Variants in PCDHGA5 observed in about 807,000 individuals in gnomAD.
PCDHGA5 encodes protocadherin gamma-A5.
Under a neutral mutation model 56.7 loss-of-function variants are expected in PCDHGA5, and 36 were observed. The observed-to-expected ratio is 0.64, with a 90% CI of 0.49 to 0.84. PCDHGA5 has a LOEUF of 0.84. Ranked by LOEUF, PCDHGA5 falls within the 40% of genes least tolerant of loss-of-function variation. The probability of loss-of-function intolerance (pLI) is 0.00; values close to 1 mark genes in which losing one functional copy is unlikely to be tolerated. For synonymous variants in PCDHGA5, 563 were observed against 520.2 expected, an observed-to-expected ratio of 1.08 and a Z score of -1.12; for missense variants, 1,305 against 1,201.5, an observed-to-expected ratio of 1.09 and a Z score of -1.27.
In PCDHGA5 at chr5:141,432,518, C is replaced by T. The variant is rs1314948517; in HGVS notation, c.2422-62289C>T. 6.2e-7 allele frequency: 1 copy of T among 1,614,126 alleles called. No homozygotes were observed. The highest frequency in any genetic ancestry group is 8.5e-7 in the Non-Finnish European group (1 of 1,180,024). On this transcript the variant is annotated intron_variant, in intron 1 of 3. Coordinates refer to ENST00000518069, the MANE Select transcript of PCDHGA5 (RefSeq NM_018918.3). This position sits in a 1 kb window ranked among gnomAD's most constrained non-coding sequence, Gnocchi z 6.0. The stretch of plus-strand genomic sequence containing the variant: ...TCCCCGCTCCGCAGAGCCCGGCTAC[C>T]TGGTGACCAAGGTGGTGGCGGTGGA...
In PCDHGA5 at chr5:141,410,139, T is replaced by C. The variant is rs73279096; in HGVS notation, c.2421+43388T>C. ...GCCCGCCAGCGCCTGCTGGTCGCTG[T>C]GCGTGACGGTGGACAGCCGCCACTC... On this transcript the variant is annotated intron_variant, in intron 1 of 3. Coordinates refer to ENST00000518069, the MANE Select transcript of PCDHGA5 (RefSeq NM_018918.3). The C allele has an allele frequency of 1.6e-4, 252 of 1,612,722 alleles. No individual in the cohort carries two copies. In the African/African-American group the frequency reaches 3.0e-3, roughly 19 times the overall value.
rs753845173 is a variant in PCDHGA5, at chr5:141,490,873, C to T, written c.2422-3934C>T. On this transcript the variant is annotated intron_variant, in intron 1 of 3. Coordinates refer to ENST00000518069, the MANE Select transcript of PCDHGA5 (RefSeq NM_018918.3). The surrounding 1 kb of genome is among the most constrained non-coding windows in gnomAD (Gnocchi z 5.4). Reference sequence around the variant, plus strand: ...TCGAGACTCCGGCTCTCCCCCATTGCATGCCAACACATCTCTGCATGTGTT... The same window carrying T: ...TCGAGACTCCGGCTCTCCCCCATTGTATGCCAACACATCTCTGCATGTGTT... 5.6e-6 allele frequency: 9 copies of T among 1,613,884 alleles called. No homozygotes were observed. The highest frequency in any genetic ancestry group is 7.6e-6 in the Non-Finnish European group (9 of 1,179,908).
At chr5:141,415,401 G>T in intron 1 of PCDHGA5, 2 of 1,614,206 alleles carry the variant, frequency 1.2e-6, no homozygotes, top group Non-Finnish European at 1.7e-6. Context: ...TGTCCGGCTC[G>T]CACTTTGTGG....
chr5:141,496,923 C>T (rs963522127), intron 2 of PCDHGA5, among the ~76,000 whole-genome samples: 9 of 150,728 alleles, frequency 6.0e-5, no homozygotes, highest in East Asian at 1.9e-4. Context: ...CTGTGGTTCA[C>T]GCCTGTAATC....
chr5:141,489,427 C>T lies in PCDHGA5; in HGVS notation c.2422-5380C>T, dbSNP rs370540900. 83 of 1,613,990 alleles carry T rather than the reference C, an allele frequency of 5.1e-5. No individual in the cohort carries two copies. The highest frequency in any genetic ancestry group is 8.3e-5 in the Admixed American group (5 of 59,996). On this transcript the variant is annotated intron_variant, in intron 1 of 3. Transcript: ENST00000518069. The surrounding 1 kb of genome is among the most constrained non-coding windows in gnomAD (Gnocchi z 4.5). ...AAAGATGACAGATCTGTTGAGCCGGCGGCTGCAATTGGGCTCTGAGGAGAA... is the reference window on the plus strand; with the variant it reads ...AAAGATGACAGATCTGTTGAGCCGGTGGCTGCAATTGGGCTCTGAGGAGAA...
chr5:141,377,157 T>C (rs1773738723), intron 1 of PCDHGA5: 1 of 152,278 alleles, frequency 6.6e-6, no homozygotes, highest in South Asian at 2.1e-4. Context: ...GTCCTAGTTT[T>C]TCTTTACCTT....
chr5:141,366,091 G>A lies in PCDHGA5; in HGVS notation c.1761G>A (p.Leu587=), dbSNP rs756134424. 3 of 1,614,130 alleles carry A rather than the reference G, an allele frequency of 1.9e-6. No homozygotes were observed. Among genetic ancestry groups the A allele is most frequent in the Non-Finnish European group, 2.5e-6 (3 of 1,180,050 alleles). ...LAPRSAEPGY[L]VTKVVAVDKD... ...CTCGCTCCGCAGAACCTGGCTACCT[G>A]GTGACCAAGGTGGTAGCGGTGGACA... The change falls in exon 1 of 4, where the codon CTG becomes CTA. Residue 587 remains leucine, a synonymous_variant. Coordinates refer to ENST00000518069, the MANE Select transcript of PCDHGA5 (RefSeq NM_018918.3).
Position 141,490,325 on chromosome 5 carries a change from G to A in PCDHGA5, c.2422-4482G>A. 1 of 1,614,236 alleles carries A rather than the reference G, an allele frequency of 6.2e-7. No individual in the cohort carries two copies. Among genetic ancestry groups the A allele is most frequent in the Non-Finnish European group, 8.5e-7 (1 of 1,180,038 alleles). On this transcript the variant is annotated intron_variant, in intron 1 of 3. Transcript: ENST00000518069. This position sits in a 1 kb window ranked among gnomAD's most constrained non-coding sequence, Gnocchi z 5.4. ...TCTTTGGCCAACCCTGTCCTAGAGA[G>A]CACACCAGTGGGCACAGTAGTGGGG...
chr5:141,461,510 G>T (rs2099016853), intron 1 of PCDHGA5, among the ~76,000 whole-genome samples: 1 of 152,014 alleles, frequency 6.6e-6, no homozygotes, highest in Non-Finnish European at 1.5e-5. Context: ...TTGGTGATTT[G>T]TTAGTTCCTT....
At chr5:141,423,050 G>T (rs1434973750) in intron 1 of PCDHGA5, 2 of 1,614,068 alleles carry the variant, frequency 1.2e-6, no homozygotes, top group Admixed American at 1.7e-5. Context: ...CTGTCCTATC[G>T]CCTGCTTAAG....
In PCDHGA5 at chr5:141,389,786, C is replaced by T. The variant is rs368188508; in HGVS notation, c.2421+23035C>T. 6.2e-6 allele frequency: 10 copies of T among 1,613,252 alleles called. No homozygotes were observed. The African/African-American group carries it at 1.1e-4, about 17-fold the overall frequency. The stretch of plus-strand genomic sequence containing the variant: ...CAGCGCGTGCCTTAGGCGACAGGGA[C>T]GCCGTCCGCCAGCGCCTTCTGGTCG... On this transcript the variant is annotated intron_variant, in intron 1 of 3. Transcript: ENST00000518069.
chr5:141,421,817 T>A (rs375019903), intron 1 of PCDHGA5: 34 of 1,613,662 alleles, frequency 2.1e-5, no homozygotes, highest in Non-Finnish European at 2.8e-5. Context: ...GAGCTAGTAC[T>A]GGAGGGAAGC....
At chr5:141,423,225 C>T (rs763729316) in intron 1 of PCDHGA5, 3 of 1,613,804 alleles carry the variant, frequency 1.9e-6, no homozygotes, top group South Asian at 1.1e-5. Context: ...TGGCTGTGGC[C>T]GACAGCATCC....
At position 141,410,774 on chromosome 5, in the gene PCDHGA5, C is replaced by T; in HGVS notation, c.2421+44023C>T. 4 of 955,126 alleles carry T rather than the reference C, an allele frequency of 4.2e-6. No individual in the cohort carries two copies. The South Asian group carries it at 6.1e-5, about 15-fold the overall frequency. The allele number at this position is 955,126 out of a possible 1,614,324, so 59.2% of individuals were successfully genotyped here. ...AATGTTTTTTCAATTATAGTTTTCA[C>T]TATGTATTTGGTTCATAAGTTGCTC... On this transcript the variant is annotated intron_variant, in intron 1 of 3. Coordinates refer to ENST00000518069, the MANE Select transcript of PCDHGA5 (RefSeq NM_018918.3).
At chr5:141,473,010 AAAAG>A (rs1014377988) in intron 1 of PCDHGA5, among the ~76,000 whole-genome samples, 22 of 151,958 alleles carry the variant, frequency 1.4e-4, no homozygotes, top group Admixed American at 7.9e-4. Context: ...AAGAAAAAGA[AAAAG>A]AAAGAAGGAA....
rs762908598 is a variant in PCDHGA5 at position 141,491,157 on chromosome 5, T to A, written c.2422-3650T>A. The A allele has an allele frequency of 3.7e-6, 6 of 1,614,108 alleles. No homozygotes were observed. The Admixed American group carries it at 8.3e-5, about 22-fold the overall frequency. On this transcript the variant is annotated intron_variant, in intron 1 of 3. Transcript: ENST00000518069. The surrounding 1 kb of genome is among the most constrained non-coding windows in gnomAD (Gnocchi z 6.9). ...CCCGGGCCTTACTGGAGGATGACTC[T>A]GACACCCAGCAGGTGGTGGTCCTGG...
In PCDHGA5 at chr5:141,385,248, G is replaced by T; in HGVS notation, c.2421+18497G>T. 6.2e-7 allele frequency: 1 copy of T among 1,613,854 alleles called. No individual in the cohort carries two copies. The highest frequency in any genetic ancestry group is 8.5e-7 in the Non-Finnish European group (1 of 1,179,720). The stretch of plus-strand genomic sequence containing the variant: ...ATGTAGACATGCTCATCAGCCAGGA[G>T]AGCTGTGAGAAAAATGATTCTTTGC... On this transcript the variant is annotated intron_variant, in intron 1 of 3. Coordinates refer to ENST00000518069, the MANE Select transcript of PCDHGA5 (RefSeq NM_018918.3).
At chr5:141,386,498 A>G (rs961063181) in intron 1 of PCDHGA5, among the ~76,000 whole-genome samples, 2 of 135,914 alleles carry the variant, frequency 1.5e-5, no homozygotes, top group African/African-American at 5.6e-5. Context: ...TAATATAACA[A>G]GACTCTGTCT....
At chr5:141,483,501 G>C (rs1022338958) in intron 1 of PCDHGA5, among the ~76,000 whole-genome samples, 2 of 150,394 alleles carry the variant, frequency 1.3e-5, no homozygotes, top group African/African-American at 4.9e-5. Context: ...ATGAGTCAAG[G>C]CTGATCCCCC....
Sources: gnomAD v4.1 joint callset for allele counts (sites outside exome capture counted in the v4.1 genomes callset) on GRCh38, gnomAD v4.1.1 for gene constraint, Gnocchi (gnomAD v3.1) non-coding constraint, MANE v1.5 for transcripts, NCBI Gene and HGNC (gene_info 2026-07-23, HGNC 2026-07-21) for gene names.